The following ITGAL variants were observed in gnomAD, a reference collection of about 807,000 sequenced individuals.
ITGAL encodes integrin subunit alpha L.
Under a neutral mutation model 138.4 loss-of-function variants are expected in ITGAL, and 68 were observed. That is an observed-to-expected ratio of 0.49 (90% CI 0.40 to 0.60). The LOEUF is 0.60. Among genes scored for constraint, ITGAL ranks in the 20% least tolerant of loss-of-function variants. The pLI, the probability that ITGAL is intolerant of heterozygous loss-of-function variation, is 0.00. For missense variants in ITGAL, 1,256 were observed against 1,478.6 expected (o/e 0.85, Z 2.47); for synonymous variants, 561 against 584.3 (o/e 0.96, Z 0.57).
intron 21 of ITGAL, chr16:30,509,365 T>C (rs1318296233): frequency 1.3e-5 from 2 of 152,094 alleles, no homozygotes; most frequent in African/African-American, 4.8e-5. Context: ...CTTTACAAAA[T>C]TGGGATGAAG....
Position 30,506,892 on chromosome 16 carries a change from G to A in ITGAL, c.2508+36G>A, listed in dbSNP as rs1269156915. The A allele has an allele frequency of 7.5e-6, 12 of 1,610,564 alleles. No homozygotes were observed. In the Admixed American group the frequency reaches 1.8e-4, roughly 25 times the overall value. On this transcript the variant is annotated intron_variant, in intron 21 of 30. Coordinates refer to ENST00000356798, the MANE Select transcript of ITGAL (RefSeq NM_002209.3). ...GGACAGCGCCTGCCTGCGGGCATCT[G>A]TTCGGCAGACACTGCCCCCTTCTTT...
intron 26 of ITGAL, 54 bp from the exon 27 acceptor site, chr16:30,517,595 G>A: frequency 6.8e-7 from 1 of 1,476,310 alleles, no homozygotes. Flanking sequence ...TGGGATGCCA[G>A]TGTCTTATCT....
intron 9 of ITGAL, among the ~76,000 whole-genome samples, chr16:30,488,294 G>A (rs2151150998): frequency 1.3e-5 from 2 of 152,216 alleles, no homozygotes; most frequent in Middle Eastern, 6.8e-3. Flanking sequence ...ACTCCAGGTG[G>A]ATTTGGTTTC....
intron 25 of ITGAL, among the ~76,000 whole-genome samples, chr16:30,514,506 A>G (rs2151204930): frequency 8.6e-6 from 1 of 115,946 alleles, no homozygotes; most frequent in East Asian, 2.5e-4. Flanking sequence ...TGAACTCCTG[A>G]CCTCGTGATC....
chr16:30,518,043 GA>G, intron 28 of ITGAL, 148 bp downstream of exon 28: 1 of 670,038 alleles, frequency 1.5e-6, no homozygotes. Flanking sequence ...AGGTGAAAGA[GA>G]ACAATGATTT....
chr16:30,479,242 C>T lies in ITGAL; in HGVS notation c.445+34C>T, dbSNP rs761913336. On this transcript the variant is annotated intron_variant, in intron 5 of 30. Coordinates refer to ENST00000356798, the MANE Select transcript of ITGAL (RefSeq NM_002209.3). ...CTGGGGACTCATTGGGTAAAAATAC[C>T]TCCAAATGGCTGTCCCTAGAGAGAA... is the stretch of plus-strand genomic sequence containing the variant. 4.3e-6 allele frequency: 7 copies of T among 1,612,676 alleles called. 1 individual carries two copies. The East Asian group carries it at 6.7e-5, about 15-fold the overall frequency.
At chr16:30,489,018 C>T in intron 9 of ITGAL, 64 bp from the exon 10 acceptor site, 1 of 1,361,572 alleles carries the variant, frequency 7.3e-7, no homozygotes, top group East Asian at 2.3e-5. Context: ...CCCGTCCTGC[C>T]ATGAATTTTT....
chr16:30,517,877 G>A lies in ITGAL; in HGVS notation c.3114G>A (p.Glu1038=). 3.1e-6 allele frequency: 5 copies of A among 1,614,102 alleles called. No homozygotes were observed. The highest frequency in any genetic ancestry group is 4.2e-6 in the Non-Finnish European group (5 of 1,180,018). The change falls in exon 28 of 31, where the codon GAG becomes GAA. Residue 1038 remains glutamate (E), a synonymous_variant. Transcript: ENST00000356798. ...TCGTCCAAGTGATCGGGACTCTGGA[G>A]CTGGTGGGAGAGATCGAGGTAGTCC... ...EILVQVIGTL[E]LVGEIEASSM...
intron 4 of ITGAL, among the ~76,000 whole-genome samples, chr16:30,477,683 G>A (rs1286845213): frequency 1.3e-5 from 2 of 150,592 alleles, no homozygotes; most frequent in African/African-American, 4.9e-5. Flanking sequence ...GAGCCTAGGA[G>A]TTTAAGACTG....
chr16:30,498,140 C>T (rs1437612305), intron 15 of ITGAL, among the ~76,000 whole-genome samples: 1 of 151,400 alleles, frequency 6.6e-6, no homozygotes, highest in Non-Finnish European at 1.5e-5. Context: ...GCCTGGCCAA[C>T]CTGTTGAAAC....
At chr16:30,507,095 G>A (rs1009583578) in intron 21 of ITGAL, among the ~76,000 whole-genome samples, 14 of 152,186 alleles carry the variant, frequency 9.2e-5, no homozygotes, top group Admixed American at 8.5e-4. Context: ...GGCCAAGGCG[G>A]GCAGATCACC....
At chr16:30,505,712 G>A (rs1413234844) in intron 20 of ITGAL, among the ~76,000 whole-genome samples, 1 of 151,844 alleles carries the variant, frequency 6.6e-6, no homozygotes, top group Non-Finnish European at 1.5e-5. Context: ...GCAAGACCCT[G>A]TCACTAAAAA....
At chr16:30,519,785 T>C (rs2051224205) in intron 29 of ITGAL, 72 bp from the exon 30 acceptor site, 1 of 967,910 alleles carries the variant, frequency 1.0e-6, no homozygotes, top group African/African-American at 1.6e-5. Flanking sequence ...AGATGGGGAA[T>C]GGAACCAGGT....
Position 30,519,958 on chromosome 16 carries a change from G to A in ITGAL, c.3330G>A (p.Val1110=). ...GLLLLLLIFI[V]LYKVGFFKRN... is the part of the protein sequence containing the mutation. ...TGCTGCTGCTGCTCATTTTCATAGT[G>A]CTGTACAAGGTGGGTGCCTCCGGGG... The change falls in exon 30 of 31, where the codon GTG becomes GTA. Residue 1110 remains valine, a synonymous_variant. Transcript: ENST00000356798. 6.2e-7 allele frequency: 1 copy of A among 1,611,156 alleles called. No homozygotes were observed. The highest frequency in any genetic ancestry group is 8.5e-7 in the Non-Finnish European group (1 of 1,179,358).
intron 9 of ITGAL, among the ~76,000 whole-genome samples, chr16:30,488,522 T>C (rs1323329522): frequency 1.3e-5 from 2 of 151,658 alleles, no homozygotes; most frequent in African/African-American, 4.8e-5. Context: ...CTGGCCAACA[T>C]GGTGAAACCC....
rs1326394810 is a variant in ITGAL at position 30,478,697 on chromosome 16, C to A, written c.328-394C>A. On this transcript the variant is annotated intron_variant, in intron 4 of 30. Coordinates refer to ENST00000356798, the MANE Select transcript of ITGAL (RefSeq NM_002209.3). ...AGGCGATAGAGCGAAGACTCCATCT[C>A]AAAAAAAAAAAAAAAAAAGAAAGAA... is the stretch of plus-strand genomic sequence containing the variant. 6.6e-3 allele frequency among the ~76,000 whole-genome samples: 699 copies of A among 106,250 alleles called. 1 individual carries two copies. The highest frequency in any genetic ancestry group is 0.01 in the African/African-American group (250 of 24,552). The allele number at this position is 106,250 out of a possible 152,430, so 69.7% of individuals were successfully genotyped here.
intron 28 of ITGAL, 120 bp downstream of exon 28, chr16:30,518,015 T>A: frequency 1.3e-5 from 10 of 763,578 alleles, no homozygotes; most frequent in South Asian, 8.5e-5. Context: ...TGATGAAAAA[T>A]CCCATTTACA....
Position 30,481,466 on chromosome 16 carries a change from T to A in ITGAL, c.604T>A (p.Tyr202Asn). ...TGCTGCTGTTCAGTTTTCCACAAGC[T>A]ACAAAACAGAATTTGATTTCTCAGA... ...QFAAVQFSTSYKTEFDFSDYV... is the reference protein window; with the variant it reads ...QFAAVQFSTSNKTEFDFSDYV... The change falls in exon 7 of 31, where the codon TAC becomes AAC. Residue 202 changes from tyrosine (Y) to asparagine (N), a missense_variant. Physicochemically the swap from Tyr to Asn is moderately radical, Grantham distance 143 (BLOSUM62 -2). This residue lies in a region of ITGAL where 177 missense variants were observed against 288.8 expected (regional missense o/e 0.61). Coordinates refer to ENST00000356798, the MANE Select transcript of ITGAL (RefSeq NM_002209.3). 6.2e-7 allele frequency: 1 copy of A among 1,611,462 alleles called. No homozygotes were observed. Among genetic ancestry groups the A allele is most frequent in the Non-Finnish European group, 8.5e-7 (1 of 1,178,442 alleles).
intron 27 of ITGAL, 45 bp from the exon 28 acceptor site, chr16:30,517,752 G>T (rs2051191092): frequency 1.2e-6 from 2 of 1,612,682 alleles, no homozygotes; most frequent in African/African-American, 1.3e-5. Flanking sequence ...CGGTACACGG[G>T]TCGGAATGAA....
Sources: gnomAD v4.1 joint callset for allele counts (sites outside exome capture counted in the v4.1 genomes callset) on GRCh38, gnomAD v4.1.1 for gene constraint, gnomAD v4.1.1 regional missense constraint, MANE v1.5 for transcripts, NCBI Gene and HGNC (gene_info 2026-07-23, HGNC 2026-07-21) for gene names.